The following C12orf50 variants were observed in gnomAD, a reference collection of about 807,000 sequenced individuals.
The protein encoded by C12orf50 is uncharacterized protein C12orf50.
In C12orf50, 35 loss-of-function variants were observed where a neutral mutation model predicts 61.6. That is an observed-to-expected ratio of 0.57 (90% CI 0.43 to 0.75). C12orf50 has a LOEUF of 0.75. C12orf50 is among the 30% of genes least tolerant of loss of function. The pLI, the probability that C12orf50 is intolerant of heterozygous loss-of-function variation, is 0.00. For synonymous variants in C12orf50, 178 were observed against 161.5 expected (o/e 1.10, Z -0.77); for missense variants, 475 against 488.5 (o/e 0.97, Z 0.26).
chr12:88,008,144 A>G (rs2031959950), intron 3 of C12orf50, among the ~76,000 whole-genome samples: 1 of 151,964 alleles, frequency 6.6e-6, no homozygotes, highest in Non-Finnish European at 1.5e-5. Context: ...GGTTTGTTGT[A>G]CAAATTATTT....
Position 87,987,931 on chromosome 12 carries a change from T to G in C12orf50, c.736A>C (p.Thr246Pro), listed in dbSNP as rs910343342. ...KDSPHPKHSL[T>P]TRLVPTTHVL... ...TGCGTTGTAGGTACTAGTCGGGTAG[T>G]TAGGGAATGCTTTGGATGAGGACTG... Residue 246 changes from threonine to proline, a missense_variant, in exon 9 of 13, where the codon ACT (threonine) becomes CCT (proline). Transcript: ENST00000298699. 1.2e-6 allele frequency: 2 copies of G among 1,611,034 alleles called. No individual in the cohort carries two copies. Among genetic ancestry groups the G allele is most frequent in the Non-Finnish European group, 8.5e-7 (1 of 1,177,840 alleles).
chr12:88,029,084 TA>T (rs1565766622), intron 1 of C12orf50: 1 of 1,286,468 alleles, frequency 7.8e-7, no homozygotes, highest in Non-Finnish European at 1.0e-6. Context: ...CATGTGGAAT[TA>T]AAAAAGAAAT....
In C12orf50 at chr12:87,987,859, G is replaced by T. The variant is rs139687471; in HGVS notation, c.808C>A (p.Pro270Thr). 206 of 1,591,236 alleles carry T rather than the reference G, an allele frequency of 1.3e-4. No individual in the cohort carries two copies. Among genetic ancestry groups the T allele is most frequent in the Non-Finnish European group, 1.7e-4 (199 of 1,161,756 alleles). Reference sequence around the variant, plus strand: ...AGAGCTAATGTCTCACTTGAAGAGGGGTCCTCTCTGCACTTCATACTGATA... The same window carrying T: ...AGAGCTAATGTCTCACTTGAAGAGGTGTCCTCTCTGCACTTCATACTGATA... ...ENISMKCREDPSSMNDVQPVK... is the reference protein window; with the variant it reads ...ENISMKCREDTSSMNDVQPVK... Residue 270 changes from proline to threonine, a missense_variant, in exon 9 of 13, where the codon CCC (proline) becomes ACC (threonine). Physicochemically the swap from Pro to Thr is conservative, Grantham distance 38. Coordinates refer to ENST00000298699, the MANE Select transcript of C12orf50 (RefSeq NM_152589.3).
intron 3 of C12orf50, among the ~76,000 whole-genome samples, chr12:88,009,159 T>C (rs1031019138): frequency 6.6e-6 from 1 of 152,136 alleles, no homozygotes. Flanking sequence ...CTCTAGGATA[T>C]ATGCTTCAAA....
intron 1 of C12orf50, 105 bp downstream of exon 1, chr12:88,029,235 T>A: frequency 1.8e-6 from 1 of 546,582 alleles, no homozygotes; most frequent in Non-Finnish European, 2.8e-6. Context: ...TAATTTCTTT[T>A]CCACAGTCTT....
At chr12:87,995,415 G>C (rs2031336209) in intron 6 of C12orf50, among the ~76,000 whole-genome samples, 1 of 152,168 alleles carries the variant, frequency 6.6e-6, no homozygotes, top group Admixed American at 6.6e-5. Flanking sequence ...TAAAAGCAAA[G>C]AGGTATCATG....
At chr12:88,003,934 T>C (rs2031751787) in intron 3 of C12orf50, among the ~76,000 whole-genome samples, 1 of 152,072 alleles carries the variant, frequency 6.6e-6, no homozygotes, top group Non-Finnish European at 1.5e-5. Flanking sequence ...GCTTTGTTCA[T>C]CTTTTTTTTC....
Position 87,997,314 on chromosome 12 carries a change from C to T in C12orf50, c.290-668G>A, listed in dbSNP as rs189669889. Among the ~76,000 whole-genome samples, 3 of 152,104 alleles carry T rather than the reference C, an allele frequency of 2.0e-5. No individual in the cohort carries two copies. In the East Asian group the frequency reaches 5.8e-4, roughly 29 times the overall value. ...TAATACATATGTAGATAAACAGATA[C>T]ACTTGTGCATCAATGTTTTAGAAAC... On this transcript the variant is annotated intron_variant, in intron 4 of 12. Transcript: ENST00000298699.
chr12:88,006,062 G>GC (rs1049614678), intron 3 of C12orf50, among the ~76,000 whole-genome samples: 1 of 151,746 alleles, frequency 6.6e-6, no homozygotes, highest in Non-Finnish European at 1.5e-5. Flanking sequence ...GACTACAGGC[G>GC]CCCGCCACCA....
intron 12 of C12orf50, among the ~76,000 whole-genome samples, chr12:87,981,900 A>T (rs2030494355): frequency 1.3e-5 from 2 of 152,160 alleles, no homozygotes; most frequent in African/African-American, 4.8e-5. Flanking sequence ...CCTAGATTGC[A>T]TCTGGGAACT....
At chr12:88,008,097 G>A (rs185093885) in intron 3 of C12orf50, among the ~76,000 whole-genome samples, 8 of 151,890 alleles carry the variant, frequency 5.3e-5, no homozygotes, top group South Asian at 2.1e-4. Context: ...AGGGGTACAC[G>A]TGCAGGTTTG....
chr12:87,993,847 A>G (rs1363336537), intron 7 of C12orf50, among the ~76,000 whole-genome samples: 2 of 152,246 alleles, frequency 1.3e-5, no homozygotes, highest in Non-Finnish European at 2.9e-5. Flanking sequence ...TTTAAGCTAT[A>G]ATACACAGTT....
chr12:87,987,713 T>C (rs1309241304), intron 9 of C12orf50, 137 bp downstream of exon 9: 1 of 624,798 alleles, frequency 1.6e-6, no homozygotes, highest in Non-Finnish European at 2.8e-6. Context: ...GAGGATATTG[T>C]GTCTTTAATT....
chr12:88,030,158 A>G (rs539733612), upstream of C12orf50: 19 of 181,014 alleles, frequency 1.0e-4, no homozygotes, highest in Non-Finnish European at 2.2e-4. Context: ...GGGAAGAAAA[A>G]GAGGTTTAAT....
chr12:87,988,350 C>T (rs1403294333), intron 8 of C12orf50, among the ~76,000 whole-genome samples: 1 of 152,178 alleles, frequency 6.6e-6, no homozygotes, highest in African/African-American at 2.4e-5. Flanking sequence ...TGGAGCAGGA[C>T]TCCTTAGTAG....
At chr12:88,010,191 G>T (rs2032042636) in intron 3 of C12orf50, among the ~76,000 whole-genome samples, 1 of 151,850 alleles carries the variant, frequency 6.6e-6, no homozygotes, top group Non-Finnish European at 1.5e-5. Context: ...TTATCCTGTG[G>T]CCAGTGCTAG....
At chr12:88,006,329 A>G (rs1208447750) in intron 3 of C12orf50, among the ~76,000 whole-genome samples, 1 of 152,188 alleles carries the variant, frequency 6.6e-6, no homozygotes, top group South Asian at 2.1e-4. Flanking sequence ...TTAATTGCTT[A>G]TCCCCAATCA....
Position 87,986,009 on chromosome 12 carries a change from T to C in C12orf50, c.967A>G (p.Asn323Asp). The C allele has an allele frequency of 6.2e-7, 1 of 1,613,882 alleles. No individual in the cohort carries two copies. Among genetic ancestry groups the C allele is most frequent in the Non-Finnish European group, 8.5e-7 (1 of 1,179,864 alleles). The change falls in exon 11 of 13, where the codon AAT becomes GAT. Residue 323 changes from asparagine (N) to aspartate (D), a missense_variant. Asn to Asp is a conservative substitution (Grantham distance 23). Coordinates refer to ENST00000298699, the MANE Select transcript of C12orf50 (RefSeq NM_152589.3). ...RPQNKMSYHR[N>D]NKNRNAENAS... The stretch of plus-strand genomic sequence containing the variant: ...TTCTCCGCATTTCGATTTTTATTAT[T>C]GCGGTGATAACTCATTTTATTTTGG...
chr12:88,003,314 T>C (rs191387557), intron 3 of C12orf50, among the ~76,000 whole-genome samples: 16 of 152,068 alleles, frequency 1.1e-4, no homozygotes, highest in African/African-American at 3.4e-4. Flanking sequence ...TATGTATTGT[T>C]TTATAAAATT....
Sources: gnomAD v4.1 joint callset for allele counts (sites outside exome capture counted in the v4.1 genomes callset) on GRCh38, gnomAD v4.1.1 for gene constraint, MANE v1.5 for transcripts, NCBI Gene and HGNC (gene_info 2026-07-23, HGNC 2026-07-21) for gene names.